NUP98: variants seen among roughly 807,000 people sequenced by gnomAD.
NUP98 encodes the protein nucleoporin 98 and 96 precursor.
In NUP98, 26 loss-of-function variants were observed where a neutral mutation model predicts 191.9. That is an observed-to-expected ratio of 0.14 (90% CI 0.10 to 0.19). The LOEUF (loss-of-function observed/expected upper bound fraction) is 0.19, where lower values mean the gene tolerates loss of function less well. NUP98 is among the 10% of genes least tolerant of loss of function. The pLI, the probability that NUP98 is intolerant of heterozygous loss-of-function variation, is 1.00. For missense variants in NUP98, 1,941 were observed against 2,178.8 expected (o/e 0.89, Z 2.17); for synonymous variants, 808 against 778.4 (o/e 1.04, Z -0.63).
At chr11:3,698,601 C>T (rs1473236140) in intron 25 of NUP98, among the ~76,000 whole-genome samples, 4 of 151,726 alleles carry the variant, frequency 2.6e-5, no homozygotes, top group African/African-American at 4.8e-5. Flanking sequence ...GTAGCAGGCA[C>T]CTGTAATCTC....
intron 1 of NUP98, among the ~76,000 whole-genome samples, chr11:3,796,574 G>C (rs2082592456): frequency 6.6e-6 from 1 of 152,228 alleles, no homozygotes; most frequent in Non-Finnish European, 1.5e-5. Flanking sequence ...GGAAAACGCT[G>C]TGAAGACTAC....
chr11:3,711,239 A>T lies in NUP98; in HGVS notation c.2742+1325T>A, dbSNP rs79171906. On this transcript the variant is annotated intron_variant, in intron 20 of 32. Coordinates refer to ENST00000324932, the MANE Select transcript of NUP98 (RefSeq NM_016320.5). The stretch of plus-strand genomic sequence containing the variant: ...CAGCCTGGGCGACAACTCTTTCTCA[A>T]GGAAAAAAAAAGCTACTTGCCCATT... Among the ~76,000 whole-genome samples the T allele has an allele frequency of 2.2e-3, 335 of 151,644 alleles. 3 individuals carry two copies. Among genetic ancestry groups the T allele is most frequent in the African/African-American group, 7.6e-3 (315 of 41,362 alleles).
Position 3,706,428 on chromosome 11 carries a change from G to A in NUP98, c.2925+17C>T. 3 of 1,612,316 alleles carry A rather than the reference G, an allele frequency of 1.9e-6. No individual in the cohort carries two copies. Among genetic ancestry groups the A allele is most frequent in the South Asian group, 2.2e-5 (2 of 91,010 alleles). On this transcript the variant is annotated intron_variant, in intron 21 of 32. Coordinates refer to ENST00000324932, the MANE Select transcript of NUP98 (RefSeq NM_016320.5). The stretch of plus-strand genomic sequence containing the variant: ...AGTTTGGCTTTCTGTTACAAAAAAG[G>A]TGGGTTAGAACTTCACCTGTAAGAC...
chr11:3,776,250 T>G (rs993678444), intron 4 of NUP98, among the ~76,000 whole-genome samples: 6 of 151,514 alleles, frequency 4.0e-5, no homozygotes, highest in African/African-American at 1.5e-4. Flanking sequence ...GCCTCCCAAG[T>G]AGCTGGGACC....
chr11:3,773,282 T>G (rs2081592393), intron 6 of NUP98, among the ~76,000 whole-genome samples: 2 of 151,912 alleles, frequency 1.3e-5, no homozygotes, highest in Admixed American at 6.6e-5. Flanking sequence ...CACATGCCAG[T>G]GGTCCCACCT....
intron 10 of NUP98, chr11:3,760,153 C>T: frequency 5.3e-6 from 1 of 187,514 alleles, no homozygotes; most frequent in Non-Finnish European, 1.1e-5. Flanking sequence ...ACACAACAAA[C>T]CAACAACGAC....
At chr11:3,740,570 C>T (rs1398505633) in intron 12 of NUP98, among the ~76,000 whole-genome samples, 3 of 151,728 alleles carry the variant, frequency 2.0e-5, no homozygotes, top group Non-Finnish European at 4.4e-5. Context: ...TGCCATTCTC[C>T]TAATCACTGA....
At position 3,676,402 on chromosome 11, in the gene NUP98, A is replaced by C; in HGVS notation, c.5186-26T>G. On this transcript the variant is annotated intron_variant, in intron 32 of 32. Transcript: ENST00000324932. Reference sequence around the variant, plus strand: ...CTAGAGAGAAAAACTAGAGTCAAGCACTGAGCATGGGGTCTGGAGAAGGGT... The same window carrying C: ...CTAGAGAGAAAAACTAGAGTCAAGCCCTGAGCATGGGGTCTGGAGAAGGGT... 3 of 1,612,774 alleles carry C rather than the reference A, an allele frequency of 1.9e-6. No homozygotes were observed. The South Asian group carries it at 3.3e-5, about 18-fold the overall frequency.
chr11:3,720,776 G>A lies in NUP98; in HGVS notation c.2196C>T (p.Asp732=). 6.4e-7 allele frequency: 1 copy of A among 1,557,304 alleles called. No homozygotes were observed. Among genetic ancestry groups the A allele is most frequent in the Non-Finnish European group, 8.7e-7 (1 of 1,144,742 alleles). The part of the protein sequence containing the change: ...VGYYTIPSMD[D]LAKITNEKGE... ...CTTTTTCATTGGTAATTTTAGCAAG[G>A]TCATCCATAGATGGAATAGTATAGT... is the stretch of plus-strand genomic sequence containing the variant. The change falls in exon 17 of 33, where the codon GAC becomes GAT. Residue 732 remains aspartate, a synonymous_variant. Coordinates refer to ENST00000324932, the MANE Select transcript of NUP98 (RefSeq NM_016320.5).
intron 31 of NUP98, 105 bp from the exon 32 acceptor site, chr11:3,676,725 G>A (rs1377536945): frequency 1.1e-6 from 1 of 927,522 alleles, no homozygotes; most frequent in South Asian, 1.3e-5. Context: ...AGGTGAGGGA[G>A]GGGAAAATCC....
intron 1 of NUP98, among the ~76,000 whole-genome samples, chr11:3,790,013 G>A (rs759322907): frequency 1.8e-4 from 27 of 152,094 alleles, no homozygotes; most frequent in East Asian, 5.8e-4. Context: ...TCGATCTTCC[G>A]ACCTCGTGAT....
Position 3,723,273 on chromosome 11 carries a change from C to T in NUP98, c.2030G>A (p.Arg677His), listed in dbSNP as rs774206680. Residue 677 changes from arginine to histidine, a missense_variant, in exon 16 of 33, where the codon CGT becomes CAT. This residue lies in a region of NUP98 where 453 missense variants were observed against 438.2 expected (regional missense o/e 1.03). Coordinates refer to ENST00000324932, the MANE Select transcript of NUP98 (RefSeq NM_016320.5). ...VDDTIVALNM[R>H]AALRNGLEGS... Reference sequence around the variant, plus strand: ...TTCCAGCCCATTTCGCAAAGCAGCACGCATGTTTAATGCAACAATGGTATC... The same window carrying T: ...TTCCAGCCCATTTCGCAAAGCAGCATGCATGTTTAATGCAACAATGGTATC... 3.8e-5 allele frequency: 61 copies of T among 1,614,090 alleles called. No individual in the cohort carries two copies. Among genetic ancestry groups the T allele is most frequent in the Middle Eastern group, 3.3e-4 (2 of 6,062 alleles).
intron 20 of NUP98, 43 bp from the exon 21 acceptor site, chr11:3,706,670 C>T (rs1326655593): frequency 1.3e-6 from 2 of 1,525,882 alleles, no homozygotes; most frequent in South Asian, 2.3e-5. Context: ...TTAAATTATA[C>T]CAAACAGAAA....
chr11:3,688,014 G>T (rs902494151), intron 28 of NUP98, among the ~76,000 whole-genome samples: 1 of 152,252 alleles, frequency 6.6e-6, no homozygotes, highest in African/African-American at 2.4e-5. Flanking sequence ...AGAATTTCCA[G>T]TATGGGAAGA....
intron 1 of NUP98, among the ~76,000 whole-genome samples, chr11:3,793,925 C>G (rs2082440300): frequency 1.3e-5 from 2 of 152,046 alleles, no homozygotes; most frequent in African/African-American, 4.8e-5. Flanking sequence ...GCCAAGATCA[C>G]ATCATTGCAC....
At chr11:3,724,436 CA>C (rs71041381) in intron 15 of NUP98, among the ~76,000 whole-genome samples, 25,601 of 109,394 alleles carry the variant, frequency 0.23, 2,284 homozygotes, top group African/African-American at 0.26. Flanking sequence ...AACTCCATCT[CA>C]AAAAAAAAAA....
In NUP98 at chr11:3,691,544, T is replaced by C. The variant is rs924233446; in HGVS notation, c.4312-55A>G. 14 of 1,544,854 alleles carry C rather than the reference T, an allele frequency of 9.1e-6. No homozygotes were observed. In the African/African-American group the frequency reaches 1.7e-4, roughly 18 times the overall value. On this transcript the variant is annotated intron_variant, in intron 27 of 32. Coordinates refer to ENST00000324932, the MANE Select transcript of NUP98 (RefSeq NM_016320.5). The stretch of plus-strand genomic sequence containing the variant: ...TTAGCTCCTAATCAGTTTTACTAGA[T>C]GCCATTATGTTTCTTCTTTTTTTTT...
At chr11:3,792,515 G>C (rs2082390362) in intron 1 of NUP98, among the ~76,000 whole-genome samples, 3 of 151,990 alleles carry the variant, frequency 2.0e-5, no homozygotes, top group South Asian at 2.1e-4. Flanking sequence ...GGAGGCTGAG[G>C]CATGAGAATC....
At chr11:3,702,313 A>ACTCCCTCT (rs2078718594) in intron 23 of NUP98, 150 bp downstream of exon 23, 3 of 349,248 alleles carry the variant, frequency 8.6e-6, no homozygotes, top group Middle Eastern at 8.1e-4. Context: ...ACACACACAC[A>ACTCCCTCT]CTCTCTCTCT....
Sources: allele counts gnomAD v4.1 joint callset (sites outside exome capture counted in the v4.1 genomes callset), GRCh38; gene constraint gnomAD v4.1.1; regional missense constraint gnomAD v4.1.1; transcripts MANE v1.5; gene names NCBI Gene and HGNC (gene_info 2026-07-23, HGNC 2026-07-21).